DSEL: variants seen among roughly 807,000 people sequenced by gnomAD.
The protein encoded by DSEL is dermatan sulfate epimerase like.
Under a neutral mutation model 96.6 loss-of-function variants are expected in DSEL, and 61 were observed. That is an observed-to-expected ratio of 0.63 (90% CI 0.51 to 0.78). DSEL has a LOEUF of 0.78. Among genes scored for constraint, DSEL ranks in the 30% least tolerant of loss-of-function variants. The pLI is 0.00. For missense variants in DSEL, 1,320 were observed against 1,430.8 expected, an observed-to-expected ratio of 0.92 and a Z score of 1.25; for synonymous variants, 514 against 502.0, an observed-to-expected ratio of 1.02 and a Z score of -0.32.
In DSEL at chr18:67,515,497, G is replaced by T; in HGVS notation, c.-884-5C>A. ...CTCTTTTTTCATGACACTTTTCTGG[G>T]GATGGGGGACAAAATAAAAATTCTC... On this transcript the variant is annotated splice_polypyrimidine_tract_variant and splice_region_variant and intron_variant, in intron 1 of 1. Coordinates refer to ENST00000310045, the MANE Select transcript of DSEL (RefSeq NM_032160.3). The T allele has an allele frequency of 6.0e-6, 1 of 166,822 alleles. No homozygotes were observed. The allele number at this position is 166,822 out of a possible 1,614,324, so 10.3% of individuals were successfully genotyped here. A position where few individuals can be genotyped will look rare whatever the true frequency, so the allele number is the denominator to read the frequency against.
rs559957128 is a variant in DSEL, at chr18:67,515,228, G to A, written c.-620C>T. The stretch of plus-strand genomic sequence containing the variant: ...GAAACATCCTCAACAAGTGATCAAA[G>A]TCTTAGTTGGTTTTTAAAAATTCAA... On this transcript the variant is annotated 5_prime_UTR_variant, in exon 2 of 2. Transcript: ENST00000310045. 54 of 167,082 alleles carry A rather than the reference G, an allele frequency of 3.2e-4. No individual in the cohort carries two copies. Among genetic ancestry groups the A allele is most frequent in the African/African-American group, 1.3e-3 (52 of 41,552 alleles). The allele number at this position is 167,082 out of a possible 1,614,324, so 10.3% of individuals were successfully genotyped here. A position where few individuals can be genotyped will look rare whatever the true frequency, so the allele number is the denominator to read the frequency against.
rs142161259 is a variant in DSEL, at chr18:67,511,417, T to C, written c.3192A>G (p.Ile1064Met). 1.2e-6 allele frequency: 2 copies of C among 1,604,318 alleles called. No homozygotes were observed. The highest frequency in any genetic ancestry group is 1.3e-5 in the African/African-American group (1 of 74,942). Residue 1064 changes from isoleucine to methionine, a missense_variant, in exon 2 of 2, where the codon ATA (isoleucine) becomes ATG (methionine). This residue lies in a region of DSEL where 986 missense variants were observed against 1,066.4 expected (regional missense o/e 0.92). Transcript: ENST00000310045. The part of the protein sequence containing the change: ...VPEHLAKLFK[I>M]EGGKGKCNLN... ...AGTTACATTTGCCTTTACCTCCCTCTATTTTAAACAATTTTGCTAAATGCT... is the reference window on the plus strand; with the variant it reads ...AGTTACATTTGCCTTTACCTCCCTCCATTTTAAACAATTTTGCTAAATGCT...
chr18:67,507,958 T>A lies in DSEL; in HGVS notation c.*3012A>T, dbSNP rs1304024027. 1.3e-5 allele frequency: 2 copies of A among 152,174 alleles called. No individual in the cohort carries two copies. The highest frequency in any genetic ancestry group is 4.8e-5 in the African/African-American group (2 of 41,448). 9.4% of individuals were successfully genotyped at this position (152,174 alleles called of 1,614,324 possible). On this transcript the variant is annotated 3_prime_UTR_variant, in exon 2 of 2. Transcript: ENST00000310045. ...TTTTATTTCATCTTGAGTAAATCTA[T>A]GTTGTTTGAAAATTTAAAAAGCCAA...
Position 67,514,700 on chromosome 18 carries a change from GC to G in DSEL, c.-93del. The G allele has an allele frequency of 7.3e-7, 1 of 1,360,694 alleles. No individual in the cohort carries two copies. The highest frequency in any genetic ancestry group is 1.0e-6 in the Non-Finnish European group (1 of 987,346). The allele number at this position is 1,360,694 out of a possible 1,614,324, so 84.3% of individuals were successfully genotyped here. Reference sequence around the variant, plus strand: ...GGTTAGTATAAAACATACAGTAAAGGCCTTGATAAGACAAAGACTGTAAATC... The same window carrying G: ...GGTTAGTATAAAACATACAGTAAAGGCTTGATAAGACAAAGACTGTAAATC... On this transcript the variant is annotated 5_prime_UTR_variant, in exon 2 of 2. An upstream open reading frame in the 5' UTR gains an earlier in-frame stop. Transcript: ENST00000310045.
chr18:67,514,492 T>G lies in DSEL; in HGVS notation c.117A>C (p.Ile39=). The part of the protein sequence containing the change: ...YSEWAVFTDD[I]DQFKTQKVQD... Reference sequence around the variant, plus strand: ...GCACTTTCTGTGTTTTAAACTGATCTATATCATCTGTGAAAACTGCCCATT... The same window carrying G: ...GCACTTTCTGTGTTTTAAACTGATCGATATCATCTGTGAAAACTGCCCATT... Residue 39 remains isoleucine, a synonymous_variant, in exon 2 of 2, where the codon ATA becomes ATC. Transcript: ENST00000310045. 6.2e-7 allele frequency: 1 copy of G among 1,614,208 alleles called. No individual in the cohort carries two copies. Among genetic ancestry groups the G allele is most frequent in the Non-Finnish European group, 8.5e-7 (1 of 1,180,030 alleles).
Position 67,511,547 on chromosome 18 carries a change from C to T in DSEL, c.3062G>A (p.Gly1021Glu), listed in dbSNP as rs1456245463. Reference sequence around the variant, plus strand: ...TATGTACAATGCCCTCATCGAAGCTCCTAAAACTTCCTGAAAAAAATGAAG... The same window carrying T: ...TATGTACAATGCCCTCATCGAAGCTTCTAAAACTTCCTGAAAAAAATGAAG... ...LKLHFFQEVL[G>E]ASMRALYIVR... The change falls in exon 2 of 2, where the codon GGA (glycine) becomes GAA (glutamate). Residue 1021 changes from glycine to glutamate, a missense_variant. By Grantham distance (98) the Gly-to-Glu change is moderately conservative. Coordinates refer to ENST00000310045, the MANE Select transcript of DSEL (RefSeq NM_032160.3). 1 of 1,613,202 alleles carries T rather than the reference C, an allele frequency of 6.2e-7. No individual in the cohort carries two copies. Among genetic ancestry groups the T allele is most frequent in the Non-Finnish European group, 8.5e-7 (1 of 1,179,802 alleles).
In DSEL at chr18:67,510,211, C is replaced by T. The variant is rs1043952901; in HGVS notation, c.*759G>A. ...ATGTGATGGCGAACAGCTGTAGCTC[C>T]AGGGAGGATAAAAAGTGAAAGGAGA... is the stretch of plus-strand genomic sequence containing the variant. On this transcript the variant is annotated 3_prime_UTR_variant, in exon 2 of 2. Transcript: ENST00000310045. 6.6e-6 allele frequency: 1 copy of T among 152,154 alleles called. No individual in the cohort carries two copies. The highest frequency in any genetic ancestry group is 1.5e-5 in the Non-Finnish European group (1 of 68,044). 9.4% of individuals were successfully genotyped at this position (152,154 alleles called of 1,614,324 possible). A position where few individuals can be genotyped will look rare whatever the true frequency, so the allele number is the denominator to read the frequency against.
In DSEL at chr18:67,512,033, G is replaced by T; in HGVS notation, c.2576C>A (p.Ser859Ter). The T allele has an allele frequency of 5.0e-6, 8 of 1,614,074 alleles. No individual in the cohort carries two copies. Among genetic ancestry groups the T allele is most frequent in the Non-Finnish European group, 6.8e-6 (8 of 1,180,000 alleles). ...AATTTCAGCTCCTGAACCAGGAAGT[G>T]AGGTAATGACAACATCAGGAAGATC... ...HMDLPDVVITSLPGSGAEILK... is the reference protein window; with the variant it reads ...HMDLPDVVIT The change falls in exon 2 of 2, where the codon TCA (serine) becomes TAA (stop). Residue 859 changes from serine (S) to a stop codon, truncating the protein, a stop_gained. Coordinates refer to ENST00000310045, the MANE Select transcript of DSEL (RefSeq NM_032160.3). LOFTEE classifies it high-confidence loss of function.
Position 67,508,926 on chromosome 18 carries a change from G to A in DSEL, c.*2044C>T, listed in dbSNP as rs2089426088. On this transcript the variant is annotated 3_prime_UTR_variant, in exon 2 of 2. Transcript: ENST00000310045. ...TGTACTTTTTTTTTTAGTAGAGACG[G>A]GGTTTCACCGTGTTAGCCAGGATGG... is the stretch of plus-strand genomic sequence containing the variant. 6.6e-6 allele frequency: 1 copy of A among 151,996 alleles called. No homozygotes were observed. Among genetic ancestry groups the A allele is most frequent in the African/African-American group, 2.4e-5 (1 of 41,332 alleles). 9.4% of individuals were successfully genotyped at this position (151,996 alleles called of 1,614,324 possible).
chr18:67,513,449 G>A lies in DSEL; in HGVS notation c.1160C>T (p.Thr387Ile). ...CTGGGGATCATACCAGATGTATTCA[G>A]TGTGAAGAGTACTCCACCTTTGGGC... is the stretch of plus-strand genomic sequence containing the variant. ...STAQRWSTLHTEYIWYDPQLT... is the reference protein window; with the variant it reads ...STAQRWSTLHIEYIWYDPQLT... Residue 387 changes from threonine (T) to isoleucine (I), a missense_variant, in exon 2 of 2, where the codon ACT becomes ATT. Thr to Ile is a moderately conservative substitution (Grantham distance 89, BLOSUM62 -1). Coordinates refer to ENST00000310045, the MANE Select transcript of DSEL (RefSeq NM_032160.3). The A allele has an allele frequency of 1.2e-5, 19 of 1,614,154 alleles. No homozygotes were observed. The highest frequency in any genetic ancestry group is 1.6e-5 in the Non-Finnish European group (19 of 1,180,036).
In DSEL at chr18:67,510,675, T is replaced by C. The variant is rs559231971; in HGVS notation, c.*295A>G. On this transcript the variant is annotated 3_prime_UTR_variant, in exon 2 of 2. Transcript: ENST00000310045. ...GGGGAGTTAGACAAAAACTTAAAAT[T>C]TTCCCATCTCCCCTGACCCCATGAT... 587 of 326,600 alleles carry C rather than the reference T, an allele frequency of 1.8e-3. 1 individual carries two copies. Among genetic ancestry groups the C allele is most frequent in the African/African-American group, 0.012 (554 of 46,762 alleles). The allele number at this position is 326,600 out of a possible 1,614,324, so 20.2% of individuals were successfully genotyped here. A position where few individuals can be genotyped will look rare whatever the true frequency, so the allele number is the denominator to read the frequency against.
chr18:67,511,304 A>G lies in DSEL; in HGVS notation c.3305T>C (p.Leu1102Ser). The G allele has an allele frequency of 6.2e-7, 1 of 1,608,556 alleles. No homozygotes were observed. The highest frequency in any genetic ancestry group is 8.5e-7 in the Non-Finnish European group (1 of 1,179,972). The change falls in exon 2 of 2, where the codon TTG (leucine) becomes TCG (serine). Residue 1102 changes from leucine (L) to serine (S), a missense_variant. Physicochemically the swap from Leu to Ser is moderately radical, Grantham distance 145. Transcript: ENST00000310045. ...KSNAVSLLSH[L>S]WLANTAAALR... The stretch of plus-strand genomic sequence containing the variant: ...GGCTGCTGCTGTATTTGCTAGCCAC[A>G]AGTGAGACAAGAGGGACACTGCATT...
In DSEL at chr18:67,512,753, C is replaced by G. The variant is rs780019507; in HGVS notation, c.1856G>C (p.Arg619Thr). The change falls in exon 2 of 2, where the codon AGG becomes ACG. Residue 619 changes from arginine to threonine, a missense_variant. Around this residue, in one of 3 missense-constraint regions of DSEL, gnomAD observed 986 missense variants for 1,066.4 expected, o/e 0.92. Coordinates refer to ENST00000310045, the MANE Select transcript of DSEL (RefSeq NM_032160.3). ...CACATCCATCATGGCACCATTATACCTATTCATAAACTTATATGGGATATA... is the reference window on the plus strand; with the variant it reads ...CACATCCATCATGGCACCATTATACGTATTCATAAACTTATATGGGATATA... ...FKYIPYKFMNRYNGAMMDVWD... is the reference protein window; with the variant it reads ...FKYIPYKFMNTYNGAMMDVWD... The G allele has an allele frequency of 6.2e-7, 1 of 1,613,966 alleles. No individual in the cohort carries two copies. The highest frequency in any genetic ancestry group is 1.7e-5 in the Admixed American group (1 of 60,010).
Position 67,514,005 on chromosome 18 carries a change from C to A in DSEL, c.604G>T (p.Val202Phe), listed in dbSNP as rs1404960289. ...TACTCGTACATTTCCTCAGTAATAA[C>A]CCATATTTTTTCCAGGTATTTTTGT... is the stretch of plus-strand genomic sequence containing the variant. The part of the protein sequence containing the change: ...RRQKYLEKIW[V>F]ITEEMYEYSK... Residue 202 changes from valine (V) to phenylalanine (F), a missense_variant, in exon 2 of 2, where the codon GTT (valine) becomes TTT (phenylalanine). Coordinates refer to ENST00000310045, the MANE Select transcript of DSEL (RefSeq NM_032160.3). The A allele has an allele frequency of 1.2e-6, 2 of 1,614,110 alleles. No individual in the cohort carries two copies. The highest frequency in any genetic ancestry group is 1.7e-6 in the Non-Finnish European group (2 of 1,180,026).
In DSEL at chr18:67,513,966, A is replaced by G; in HGVS notation, c.643T>C (p.Ser215Pro). The G allele has an allele frequency of 6.2e-7, 1 of 1,614,160 alleles. No individual in the cohort carries two copies. The highest frequency in any genetic ancestry group is 8.5e-7 in the Non-Finnish European group (1 of 1,180,022). Residue 215 changes from serine (S) to proline (P), a missense_variant, in exon 2 of 2, where the codon TCA becomes CCA. By Grantham distance (74) the Ser-to-Pro change is moderately conservative. This residue lies in a region of DSEL where 323 missense variants were observed against 333.1 expected (regional missense o/e 0.97). Coordinates refer to ENST00000310045, the MANE Select transcript of DSEL (RefSeq NM_032160.3). ...TTATGGAGAAGCTGTTTGCCCCATG[A>G]GCGGACCTTGGAATACTCGTACATT... ...EEMYEYSKVR[S>P]WGKQLLHNHQ... is the part of the protein sequence containing the mutation.
At position 67,512,906 on chromosome 18, in the gene DSEL, C is replaced by T. The variant is rs145299598; in HGVS notation, c.1703G>A (p.Ser568Asn). ...SAYSSAMRLKSVYRALLLLNS... is the reference protein window; with the variant it reads ...SAYSSAMRLKNVYRALLLLNS... ...TAAGAGAAGCAAAGCACGATATACACTTTTCAGTCTCATTGCTGAAGAATA... is the reference window on the plus strand; with the variant it reads ...TAAGAGAAGCAAAGCACGATATACATTTTTCAGTCTCATTGCTGAAGAATA... Residue 568 changes from serine (S) to asparagine (N), a missense_variant, in exon 2 of 2, where the codon AGT (serine) becomes AAT (asparagine). Ser to Asn is a conservative substitution (Grantham distance 46). Around this residue, in one of 3 missense-constraint regions of DSEL, gnomAD observed 986 missense variants for 1,066.4 expected, o/e 0.92. Transcript: ENST00000310045. 7.2e-5 allele frequency: 116 copies of T among 1,614,208 alleles called. No homozygotes were observed. The African/African-American group carries it at 1.5e-3, about 20-fold the overall frequency.
In DSEL at chr18:67,509,638, C is replaced by T. The variant is rs1391342964; in HGVS notation, c.*1332G>A. On this transcript the variant is annotated 3_prime_UTR_variant, in exon 2 of 2. Coordinates refer to ENST00000310045, the MANE Select transcript of DSEL (RefSeq NM_032160.3). ...TATCTAGGTCAGAATGACAGACTTC[C>T]AAGTGTTAGAGAGCTTGGGGGAACC... is the stretch of plus-strand genomic sequence containing the variant. 1.3e-5 allele frequency: 2 copies of T among 152,132 alleles called. No individual in the cohort carries two copies. Among genetic ancestry groups the T allele is most frequent in the Non-Finnish European group, 1.5e-5 (1 of 68,024 alleles). The allele number at this position is 152,132 out of a possible 1,614,324, so 9.4% of individuals were successfully genotyped here.
Position 67,514,303 on chromosome 18 carries a change from T to C in DSEL, c.306A>G (p.Thr102=). 1 of 1,614,242 alleles carries C rather than the reference T, an allele frequency of 6.2e-7. No homozygotes were observed. The highest frequency in any genetic ancestry group is 1.3e-5 in the African/African-American group (1 of 75,070). Residue 102 remains threonine, a synonymous_variant, in exon 2 of 2, where the codon ACA becomes ACG. Coordinates refer to ENST00000310045, the MANE Select transcript of DSEL (RefSeq NM_032160.3). ...SAVTVMLSNP[T]YYLPPPKHAD... is the part of the protein sequence containing the mutation. ...CATGCTTTGGTGGAGGTAGGTAGTATGTTGGGTTGGACAGCATAACTGTCA... is the reference window on the plus strand; with the variant it reads ...CATGCTTTGGTGGAGGTAGGTAGTACGTTGGGTTGGACAGCATAACTGTCA...
At chr18:67,515,696 C>G (rs1272965428) in intron 1 of DSEL, among the ~76,000 whole-genome samples, 1 of 152,172 alleles carries the variant, frequency 6.6e-6, no homozygotes, top group Non-Finnish European at 1.5e-5. Context: ...CAGTGACCGT[C>G]AGCAGAAGAC....
Sources: gnomAD v4.1 joint callset for allele counts (sites outside exome capture counted in the v4.1 genomes callset) on GRCh38, gnomAD v4.1.1 for gene constraint, gnomAD v4.1.1 regional missense constraint, MANE v1.5 for transcripts, NCBI Gene and HGNC (gene_info 2026-07-23, HGNC 2026-07-21) for gene names.